SCFD2: variants seen among roughly 807,000 people sequenced by gnomAD.
SCFD2 encodes sec1 family domain-containing protein 2.
Under a neutral mutation model 58.9 loss-of-function variants are expected in SCFD2, and 54 were observed. That is an observed-to-expected ratio of 0.92 (90% confidence interval 0.74 to 1.15). SCFD2 has a LOEUF of 1.15. Among genes scored for constraint, SCFD2 ranks in the 50% most tolerant of loss-of-function variants. The pLI is 0.00. For synonymous variants in SCFD2, 321 were observed against 335.9 expected, an observed-to-expected ratio of 0.96 and a Z score of 0.49; for missense variants, 805 against 836.6, an observed-to-expected ratio of 0.96 and a Z score of 0.47.
intron 2 of SCFD2, among the ~76,000 whole-genome samples, chr4:53,330,930 G>T (rs1733434588): frequency 6.6e-6 from 1 of 151,442 alleles, no homozygotes; most frequent in African/African-American, 2.4e-5. Context: ...AACAAAAAAA[G>T]GCAGGGGTTG....
At chr4:53,334,997 G>C (rs1733630886) in intron 2 of SCFD2, among the ~76,000 whole-genome samples, 1 of 152,046 alleles carries the variant, frequency 6.6e-6, no homozygotes, top group South Asian at 2.1e-4. Flanking sequence ...AGGAGTTCAA[G>C]ACCGGCCTAG....
intron 5 of SCFD2, among the ~76,000 whole-genome samples, chr4:52,925,977 C>T (rs946814942): frequency 1.3e-5 from 2 of 152,110 alleles, no homozygotes; most frequent in African/African-American, 4.8e-5. Flanking sequence ...TCCTCTATTC[C>T]CCCCTCACTC....
intron 7 of SCFD2, among the ~76,000 whole-genome samples, chr4:52,892,927 C>T (rs1718911395): frequency 6.6e-6 from 1 of 152,214 alleles, no homozygotes; most frequent in African/African-American, 2.4e-5. Flanking sequence ...CTTTACAGTT[C>T]ATACCAAAAT....
intron 5 of SCFD2, among the ~76,000 whole-genome samples, chr4:53,112,004 A>G (rs1725186175): frequency 6.6e-6 from 1 of 152,106 alleles, no homozygotes; most frequent in African/African-American, 2.4e-5. Context: ...AAAAACAACA[A>G]CAACAACAAA....
chr4:53,215,335 G>C (rs966216522), intron 4 of SCFD2, among the ~76,000 whole-genome samples: 1 of 152,122 alleles, frequency 6.6e-6, no homozygotes. Flanking sequence ...TCATTGAGCA[G>C]TGGTTTGTAG....
At chr4:53,140,322 T>C (rs1350655324) in intron 5 of SCFD2, among the ~76,000 whole-genome samples, 1 of 145,428 alleles carries the variant, frequency 6.9e-6, no homozygotes, top group Non-Finnish European at 1.5e-5. Flanking sequence ...CTTTGATCTT[T>C]AATTCTGTTA....
At chr4:53,315,662 G>A (rs1732840881) in intron 2 of SCFD2, among the ~76,000 whole-genome samples, 2 of 152,152 alleles carry the variant, frequency 1.3e-5, no homozygotes, top group Non-Finnish European at 2.9e-5. Context: ...GAAGAATTCT[G>A]AGCATGGGAG....
intron 4 of SCFD2, among the ~76,000 whole-genome samples, chr4:53,263,415 T>A (rs531635455): frequency 6.6e-6 from 1 of 152,274 alleles, no homozygotes; most frequent in East Asian, 1.9e-4. Context: ...GGGCTGCTGT[T>A]CAGATTATTT....
At chr4:53,314,074 C>T (rs1438565767) in intron 2 of SCFD2, among the ~76,000 whole-genome samples, 1 of 152,128 alleles carries the variant, frequency 6.6e-6, no homozygotes, top group Non-Finnish European at 1.5e-5. Flanking sequence ...CAGAATTCAA[C>T]TCAACATCAC....
intron 4 of SCFD2, among the ~76,000 whole-genome samples, chr4:53,164,028 C>T (rs141429294): frequency 6.6e-6 from 1 of 152,278 alleles, no homozygotes; most frequent in East Asian, 1.9e-4. Flanking sequence ...AGGCATTTAG[C>T]ATCTCTAGGT....
chr4:52,968,254 G>A (rs915822831), intron 5 of SCFD2, among the ~76,000 whole-genome samples: 11 of 152,354 alleles, frequency 7.2e-5, no homozygotes, highest in Admixed American at 3.9e-4. Context: ...GCTCAACTAC[G>A]CAGAGAGCAT....
In SCFD2 at chr4:53,202,948, G is replaced by A. The variant is rs187554316; in HGVS notation, c.1312-57366C>T. ...TGGGCTGAGACAATGGGGTTATCTA[G>A]ATATACAATCATGTCATCTGCAAAC... is the stretch of plus-strand genomic sequence containing the variant. On this transcript the variant is annotated intron_variant, in intron 4 of 8. Transcript: ENST00000401642. Among the ~76,000 whole-genome samples the A allele has an allele frequency of 1.6e-3, 242 of 152,280 alleles. 1 individual carries two copies. The highest frequency in any genetic ancestry group is 5.5e-3 in the African/African-American group (229 of 41,554).
chr4:52,984,567 G>A (rs1721447027), intron 5 of SCFD2, among the ~76,000 whole-genome samples: 4 of 152,212 alleles, frequency 2.6e-5, no homozygotes, highest in Admixed American at 2.6e-4. Flanking sequence ...GGCCCCTTTG[G>A]TGTATATGTG....
chr4:53,098,930 A>T (rs1237911145), intron 5 of SCFD2, among the ~76,000 whole-genome samples: 1 of 152,154 alleles, frequency 6.6e-6, no homozygotes, highest in East Asian at 1.9e-4. Context: ...ATACTCTATC[A>T]TTCATCTAGC....
At chr4:53,103,684 G>A (rs1724894488) in intron 5 of SCFD2, among the ~76,000 whole-genome samples, 1 of 142,730 alleles carries the variant, frequency 7.0e-6, no homozygotes, top group Admixed American at 7.4e-5. Flanking sequence ...AGGAAGCAGG[G>A]TTCCCTGAAG....
intron 2 of SCFD2, among the ~76,000 whole-genome samples, chr4:53,327,937 T>C (rs1253306375): frequency 6.6e-6 from 1 of 151,970 alleles, no homozygotes; most frequent in African/African-American, 2.4e-5. Flanking sequence ...GAGACAATCC[T>C]GGCTAACACA....
intron 5 of SCFD2, among the ~76,000 whole-genome samples, chr4:52,987,219 G>C (rs868442456): frequency 6.6e-6 from 1 of 151,124 alleles, no homozygotes; most frequent in African/African-American, 2.4e-5. Flanking sequence ...TAGTAGAGAC[G>C]GGGTTTCACC....
intron 5 of SCFD2, among the ~76,000 whole-genome samples, chr4:53,087,265 T>C (rs1462584115): frequency 1.3e-5 from 2 of 152,222 alleles, no homozygotes; most frequent in Non-Finnish European, 2.9e-5. Context: ...CACTAAAACA[T>C]AGAAGATAGA....
At chr4:52,974,087 G>A (rs1490995893) in intron 5 of SCFD2, among the ~76,000 whole-genome samples, 1 of 152,170 alleles carries the variant, frequency 6.6e-6, no homozygotes, top group Non-Finnish European at 1.5e-5. Context: ...AAAACTGGAA[G>A]CATTCCCTTT....
Sources: allele counts gnomAD v4.1 joint callset (sites outside exome capture counted in the v4.1 genomes callset), GRCh38; gene constraint gnomAD v4.1.1; transcripts MANE v1.5; gene names NCBI Gene and HGNC (gene_info 2026-07-23, HGNC 2026-07-21).